Variants in CUL2 observed in about 807,000 individuals in gnomAD.
CUL2 encodes cullin 2, also known as cullin-2.
Under a neutral mutation model 110.2 loss-of-function variants are expected in CUL2, and 22 were observed. The observed-to-expected ratio is 0.20, with a 90% CI of 0.14 to 0.28. The LOEUF (loss-of-function observed/expected upper bound fraction) is 0.28, where lower values mean the gene tolerates loss of function less well. Ranked by LOEUF, CUL2 falls within the 10% of genes least tolerant of loss-of-function variation. CUL2 has a pLI of 1.00. For synonymous variants in CUL2, 279 were observed against 293.2 expected (o/e 0.95, Z 0.49); for missense variants, 631 against 905.5 (o/e 0.70, Z 3.89).
chr10:35,037,366 T>C (rs752232160), intron 9 of CUL2, among the ~76,000 whole-genome samples: 4 of 152,238 alleles, frequency 2.6e-5, no homozygotes, highest in Non-Finnish European at 4.4e-5. Context: ...ATCTCTTATT[T>C]TATTAGGATA....
chr10:35,052,374 A>G, intron 5 of CUL2, among the ~76,000 whole-genome samples: 1 of 152,198 alleles, frequency 6.6e-6, no homozygotes. Context: ...CAGAGCTGCG[A>G]AACTTCAGGA....
upstream of CUL2, chr10:35,090,616 A>G (rs1056778670): frequency 2.0e-5 from 3 of 152,554 alleles, no homozygotes; most frequent in African/African-American, 7.2e-5. Flanking sequence ...GCTGCTGCCA[A>G]ATCCCCCCCG....
At position 35,008,577 on chromosome 10, in the gene CUL2, AC is replaced by A. The variant is rs2084817797; in HGVS notation, c.*1733del. Reference sequence around the variant, plus strand: ...CAATTTGGAAAACTTTTATCAATCAACAAGTTATCAAAACAAGGGTTTGCTT... The same window carrying A: ...CAATTTGGAAAACTTTTATCAATCAAAAGTTATCAAAACAAGGGTTTGCTT... On this transcript the variant is annotated 3_prime_UTR_variant, in exon 21 of 21. Transcript: ENST00000374749. 2 of 152,228 alleles carry A rather than the reference AC, an allele frequency of 1.3e-5. No homozygotes were observed. Among genetic ancestry groups the A allele is most frequent in the Admixed American group, 1.3e-4 (2 of 15,284 alleles). 9.4% of individuals were successfully genotyped at this position (152,228 alleles called of 1,614,324 possible).
intron 16 of CUL2, among the ~76,000 whole-genome samples, chr10:35,027,143 C>A (rs1400778118): frequency 7.8e-6 from 1 of 127,592 alleles, no homozygotes; most frequent in Admixed American, 8.1e-5. Context: ...ACTTTAGATA[C>A]TTTTTTTTTT....
At position 35,123,158 on chromosome 10, in the gene CUL2, A is replaced by AAAAACAAAAC. The variant is rs60181547; in HGVS notation, c.-51+3437_-51+3446dup. Among the ~76,000 whole-genome samples the AAAAACAAAAC allele has an allele frequency of 6.9e-4, 104 of 151,522 alleles. 1 individual carries two copies. In the South Asian group the frequency reaches 0.015, roughly 22 times the overall value. ...ATCTACAAACAAGCAAAACATAACAAAAAACAAAACAAAACAAAACAAAGG... is the reference window on the plus strand; with the variant it reads ...ATCTACAAACAAGCAAAACATAACAAAAAACAAAACAAAACAAAACAAAACAAAACAAAGG... On this transcript the variant is annotated intron_variant, in intron 1 of 5. Transcript: ENST00000685421.
chr10:35,066,268 A>AT (rs1300635096), intron 2 of CUL2, among the ~76,000 whole-genome samples: 8 of 152,318 alleles, frequency 5.3e-5, no homozygotes, highest in Admixed American at 2.6e-4. Flanking sequence ...AATTAAAAAA[A>AT]ATATATAATA....
intron 1 of CUL2, among the ~76,000 whole-genome samples, chr10:35,105,339 T>C (rs1487894013): frequency 6.6e-6 from 1 of 151,030 alleles, no homozygotes; most frequent in Non-Finnish European, 1.5e-5. Flanking sequence ...GGCAGGAGAA[T>C]GGCGTGAACC....
chr10:35,070,354 T>C (rs994682416), intron 2 of CUL2, among the ~76,000 whole-genome samples: 5 of 152,336 alleles, frequency 3.3e-5, no homozygotes, highest in African/African-American at 1.2e-4. Flanking sequence ...TTTACTCTTC[T>C]TGCATCCACA....
At chr10:35,123,760 T>C (rs954399001) in intron 1 of CUL2, among the ~76,000 whole-genome samples, 2 of 152,064 alleles carry the variant, frequency 1.3e-5, no homozygotes, top group African/African-American at 4.8e-5. Flanking sequence ...AACCTATGAG[T>C]TGGAAATGCT....
At chr10:35,108,253 C>T (rs2087487124) in intron 1 of CUL2, among the ~76,000 whole-genome samples, 1 of 151,418 alleles carries the variant, frequency 6.6e-6, no homozygotes, top group Admixed American at 6.6e-5. Flanking sequence ...CCAGGAGCTC[C>T]AGACCAGCCT....
rs530915663 is a variant in CUL2 at position 35,105,694 on chromosome 10, C to T, written c.-50-4634G>A. Among the ~76,000 whole-genome samples, 375 of 147,674 alleles carry T rather than the reference C, an allele frequency of 2.5e-3. 3 individuals carry two copies. Among genetic ancestry groups the T allele is most frequent in the African/African-American group, 9.0e-3 (363 of 40,120 alleles). ...TTGCACTCCAGCCTGGGCGACAGAGCGAGACTCTGTCTCAAAAAAAAAAAA... is the reference window on the plus strand; with the variant it reads ...TTGCACTCCAGCCTGGGCGACAGAGTGAGACTCTGTCTCAAAAAAAAAAAA... On this transcript the variant is annotated intron_variant, in intron 1 of 5. Transcript: ENST00000685421.
At position 35,063,023 on chromosome 10, in the gene CUL2, A is replaced by G; in HGVS notation, c.159T>C (p.Leu53=). ...TAGTTTCTGTATAAAGTCTTTCTCC[A>G]AGGGGTTCAGGATAGGCCACACATA... ...YALCVAYPEP[L]GERLYTETKI... Residue 53 remains leucine, a synonymous_variant, in exon 3 of 21, where the codon CTT becomes CTC. Transcript: ENST00000374749. The G allele has an allele frequency of 6.2e-7, 1 of 1,611,580 alleles. No homozygotes were observed. Among genetic ancestry groups the G allele is most frequent in the Non-Finnish European group, 8.5e-7 (1 of 1,177,860 alleles).
intron 1 of CUL2, among the ~76,000 whole-genome samples, chr10:35,115,165 G>A (rs574204051): frequency 3.4e-4 from 52 of 151,432 alleles, no homozygotes; most frequent in Admixed American, 3.3e-3. Context: ...TTGAACCCAG[G>A]AAGCAGAGGT....
intron 1 of CUL2, among the ~76,000 whole-genome samples, chr10:35,112,106 G>C (rs1322317986): frequency 6.6e-6 from 1 of 152,148 alleles, no homozygotes; most frequent in African/African-American, 2.4e-5. Context: ...AGGACTCTTA[G>C]AGGTTCTTCA....
chr10:35,033,706 CAGCTT>C (rs1429299455), intron 10 of CUL2, among the ~76,000 whole-genome samples: 1 of 151,212 alleles, frequency 6.6e-6, no homozygotes, highest in Non-Finnish European at 1.5e-5. Flanking sequence ...CACTGCACTC[CAGCTT>C]GGGCGACAGA....
At chr10:35,112,366 A>G (rs1331806989) in intron 1 of CUL2, among the ~76,000 whole-genome samples, 1 of 152,168 alleles carries the variant, frequency 6.6e-6, no homozygotes, top group East Asian at 1.9e-4. Flanking sequence ...TCCCCGAGCA[A>G]AGGGAAAACA....
intron 16 of CUL2, among the ~76,000 whole-genome samples, chr10:35,027,357 G>A (rs913774710): frequency 6.6e-6 from 1 of 151,880 alleles, no homozygotes; most frequent in Non-Finnish European, 1.5e-5. Flanking sequence ...TGTTAGCCAG[G>A]ATGGTCTCAA....
At chr10:35,122,276 A>C (rs1353428068) in intron 1 of CUL2, among the ~76,000 whole-genome samples, 2 of 152,256 alleles carry the variant, frequency 1.3e-5, no homozygotes, top group Non-Finnish European at 1.5e-5. Context: ...AAAATAGGAT[A>C]GTCATTTGAA....
chr10:35,033,470 T>C (rs1230388033), intron 10 of CUL2, among the ~76,000 whole-genome samples, 197 bp from the exon 11 acceptor site: 1 of 152,146 alleles, frequency 6.6e-6, no homozygotes, highest in African/African-American at 2.4e-5. Flanking sequence ...GCACAGTGGC[T>C]CACACCTGTA....
Sources: allele counts gnomAD v4.1 joint callset (sites outside exome capture counted in the v4.1 genomes callset), GRCh38; gene constraint gnomAD v4.1.1; transcripts MANE v1.5; gene names NCBI Gene and HGNC (gene_info 2026-07-23, HGNC 2026-07-21).